Variants in MAGI2 observed in about 807,000 individuals in gnomAD.
MAGI2 encodes the protein membrane-associated guanylate kinase, WW and PDZ domain-containing protein 2.
In MAGI2, 35 loss-of-function variants were observed where a neutral mutation model predicts 133.3. The ratio of observed to expected loss-of-function variants is 0.26; its 90% CI spans 0.20 to 0.35. The LOEUF (loss-of-function observed/expected upper bound fraction) is 0.35, where lower values mean the gene tolerates loss of function less well. Ranked by LOEUF, MAGI2 falls within the 10% of genes least tolerant of loss-of-function variation. MAGI2 has a pLI of 1.00. For missense variants in MAGI2, 1,636 were observed against 1,863.4 expected, an observed-to-expected ratio of 0.88 and a Z score of 2.25; for synonymous variants, 729 against 710.6, an observed-to-expected ratio of 1.03 and a Z score of -0.41.
At chr7:79,395,669 CTGATA>C (rs1844997184) in intron 1 of MAGI2, among the ~76,000 whole-genome samples, 1 of 152,256 alleles carries the variant, frequency 6.6e-6, no homozygotes, top group African/African-American at 2.4e-5. Context: ...TAAGATCATT[CTGATA>C]TATCATAATC....
intron 6 of MAGI2, among the ~76,000 whole-genome samples, chr7:78,458,228 G>A (rs977543598): frequency 6.0e-5 from 9 of 150,686 alleles, no homozygotes; most frequent in East Asian, 5.9e-4. Context: ...CTAGGCAGTC[G>A]GAGGTTGCAG....
chr7:79,393,479 T>C (rs1844819628), intron 1 of MAGI2, among the ~76,000 whole-genome samples: 2 of 152,164 alleles, frequency 1.3e-5, no homozygotes, highest in Admixed American at 1.3e-4. Flanking sequence ...ATGATTATTC[T>C]GGGATGGTAA....
chr7:78,521,433 G>C lies in MAGI2; in HGVS notation c.751C>G (p.Pro251Ala). 1 of 1,612,554 alleles carries C rather than the reference G, an allele frequency of 6.2e-7. No homozygotes were observed. Among genetic ancestry groups the C allele is most frequent in the Non-Finnish European group, 8.5e-7 (1 of 1,179,094 alleles). The change falls in exon 4 of 22, where the codon CCA becomes GCA. Residue 251 changes from proline (P) to alanine (A), a missense_variant. By Grantham distance (27) the Pro-to-Ala change is conservative (BLOSUM62 -1). This residue lies in a region of MAGI2 where 165 missense variants were observed against 128.4 expected (regional missense o/e 1.28). Coordinates refer to ENST00000354212, the MANE Select transcript of MAGI2 (RefSeq NM_012301.4). The part of the protein sequence containing the change: ...VVNGNGVVVT[P>A]ESSEHEDKSA... ...ATAAAAAATGTAAATGACTAACCTGGTGTTACTACTACTCCATTTCCATTG... is the reference window on the plus strand; with the variant it reads ...ATAAAAAATGTAAATGACTAACCTGCTGTTACTACTACTCCATTTCCATTG...
chr7:79,369,894 C>T (rs533468426), intron 1 of MAGI2, among the ~76,000 whole-genome samples: 1 of 152,060 alleles, frequency 6.6e-6, no homozygotes, highest in African/African-American at 2.4e-5. Flanking sequence ...TATTCATATT[C>T]CCCTCTCCCA....
intron 2 of MAGI2, among the ~76,000 whole-genome samples, chr7:78,672,276 T>C (rs1814483689): frequency 6.6e-6 from 1 of 152,098 alleles, no homozygotes; most frequent in South Asian, 2.1e-4. Context: ...CTCCCCCCTC[T>C]CTCTCTTGCT....
At chr7:79,131,171 A>T (rs1379329516) in intron 1 of MAGI2, among the ~76,000 whole-genome samples, 1 of 152,166 alleles carries the variant, frequency 6.6e-6, no homozygotes, top group African/African-American at 2.4e-5. Context: ...GGATCTCCCA[A>T]AAGCAGGGTC....
intron 3 of MAGI2, among the ~76,000 whole-genome samples, chr7:78,574,867 G>A (rs1342828300): frequency 6.6e-6 from 1 of 152,134 alleles, no homozygotes; most frequent in Non-Finnish European, 1.5e-5. Flanking sequence ...GCAGTGAATA[G>A]TTATCATCCA....
chr7:78,943,254 T>C (rs1268204999), intron 2 of MAGI2, among the ~76,000 whole-genome samples: 1 of 152,228 alleles, frequency 6.6e-6, no homozygotes, highest in Non-Finnish European at 1.5e-5. Context: ...ATACCTGAGT[T>C]ATTGACCCGA....
intron 2 of MAGI2, among the ~76,000 whole-genome samples, chr7:78,636,184 A>G (rs1445815772): frequency 1.3e-5 from 2 of 152,236 alleles, no homozygotes; most frequent in East Asian, 3.8e-4. Context: ...TGACAAATCC[A>G]TTTGTAAAAT....
intron 6 of MAGI2, among the ~76,000 whole-genome samples, chr7:78,446,401 G>C (rs1356051114): frequency 6.6e-6 from 1 of 151,954 alleles, no homozygotes; most frequent in East Asian, 1.9e-4. Context: ...ATATAAAAAT[G>C]AGAGAGAGAG....
At chr7:78,628,167 G>A (rs955405323) in intron 2 of MAGI2, among the ~76,000 whole-genome samples, 4 of 152,208 alleles carry the variant, frequency 2.6e-5, no homozygotes, top group African/African-American at 9.7e-5. Context: ...CTTCAAGGCT[G>A]CAGGTTTGTT....
chr7:78,783,039 A>G (rs1043562720), intron 2 of MAGI2, among the ~76,000 whole-genome samples: 1 of 68,356 alleles, frequency 1.5e-5, no homozygotes, highest in Non-Finnish European at 3.0e-5. Flanking sequence ...TTTTTTTTAC[A>G]TTTTGTATTA....
intron 2 of MAGI2, among the ~76,000 whole-genome samples, chr7:78,921,391 C>T (rs1362443486): frequency 3.3e-5 from 5 of 152,086 alleles, no homozygotes; most frequent in Admixed American, 1.3e-4. Flanking sequence ...AAGTTCATCC[C>T]TCCCGCCCCC....
chr7:79,384,916 A>G (rs979288787), intron 1 of MAGI2, among the ~76,000 whole-genome samples: 6 of 151,742 alleles, frequency 4.0e-5, no homozygotes, highest in African/African-American at 1.4e-4. Context: ...TCTTAGCAGT[A>G]TACTATTTCA....
At chr7:78,086,879 C>T (rs961555913) in intron 20 of MAGI2, among the ~76,000 whole-genome samples, 3 of 151,914 alleles carry the variant, frequency 2.0e-5, no homozygotes, top group African/African-American at 7.3e-5. Context: ...AAGTGATCCA[C>T]CCATTTTTAG....
intron 20 of MAGI2, among the ~76,000 whole-genome samples, chr7:78,084,090 A>G (rs1297237821): frequency 6.6e-6 from 1 of 152,234 alleles, no homozygotes; most frequent in Non-Finnish European, 1.5e-5. Flanking sequence ...CCCTCATGTT[A>G]CCATTGCATC....
At chr7:78,259,143 GC>G (rs2150958498) in intron 9 of MAGI2, among the ~76,000 whole-genome samples, 1 of 152,170 alleles carries the variant, frequency 6.6e-6, no homozygotes, top group Admixed American at 6.5e-5. Flanking sequence ...ATGTTTATTG[GC>G]CTTTTGGATT....
intron 2 of MAGI2, among the ~76,000 whole-genome samples, chr7:78,894,350 G>A (rs748163833): frequency 6.6e-6 from 1 of 152,060 alleles, no homozygotes; most frequent in African/African-American, 2.4e-5. Flanking sequence ...TGCAGTGAGC[G>A]GAGATCGCAC....
rs57740248 is a variant in MAGI2 at position 79,299,554 on chromosome 7, CA to C, written c.301+153465del. Reference sequence around the variant, plus strand: ...CTGGAGACAGAGCAAGACTCCATCTCAAAAAAAAAAAAAAAAAAAGATATCT... The same window carrying C: ...CTGGAGACAGAGCAAGACTCCATCTCAAAAAAAAAAAAAAAAAAGATATCT... On this transcript the variant is annotated intron_variant, in intron 1 of 21. Transcript: ENST00000354212. Among the ~76,000 whole-genome samples the C allele has an allele frequency of 4.4e-4, 37 of 84,702 alleles. 1 individual carries two copies. The highest frequency in any genetic ancestry group is 1.3e-3 in the African/African-American group (29 of 21,730). 55.6% of individuals were successfully genotyped at this position (84,702 alleles called of 152,430 possible). A position where few individuals can be genotyped will look rare whatever the true frequency, so the allele number is the denominator to read the frequency against.
Sources: gnomAD v4.1 joint callset for allele counts (sites outside exome capture counted in the v4.1 genomes callset) on GRCh38, gnomAD v4.1.1 for gene constraint, gnomAD v4.1.1 regional missense constraint, MANE v1.5 for transcripts, NCBI Gene and HGNC (gene_info 2026-07-23, HGNC 2026-07-21) for gene names.